The following PITPNC1 variants were observed in gnomAD, a reference collection of about 807,000 sequenced individuals.
PITPNC1 encodes phosphatidylinositol transfer protein cytoplasmic 1.
A neutral mutation model predicts 44.7 loss-of-function variants in PITPNC1; 18 were observed. The ratio of observed to expected loss-of-function variants is 0.40; its 90% CI spans 0.28 to 0.60. The LOEUF (loss-of-function observed/expected upper bound fraction) is 0.60. Ranked by LOEUF, PITPNC1 falls within the 20% of genes least tolerant of loss-of-function variation. The pLI, the probability that PITPNC1 is intolerant of heterozygous loss-of-function variation, is 0.39. For missense variants in PITPNC1, 290 were observed against 418.4 expected (o/e 0.69, Z 2.68); for synonymous variants, 141 against 149.6 (o/e 0.94, Z 0.42).
intron 1 of PITPNC1, among the ~76,000 whole-genome samples, chr17:67,506,750 A>G (rs2040108111): frequency 6.6e-6 from 1 of 152,176 alleles, no homozygotes; most frequent in Non-Finnish European, 1.5e-5. Flanking sequence ...ATTTTATGCA[A>G]CCATTGATAA....
chr17:67,690,974 G>A (rs950128523), intron 8 of PITPNC1, among the ~76,000 whole-genome samples: 5 of 151,978 alleles, frequency 3.3e-5, no homozygotes, highest in Middle Eastern at 3.2e-3. Context: ...ATGGTGGCAC[G>A]TGCCTGTAGT....
chr17:67,645,976 T>C (rs749457937), intron 6 of PITPNC1, among the ~76,000 whole-genome samples: 3 of 152,114 alleles, frequency 2.0e-5, no homozygotes, highest in Non-Finnish European at 4.4e-5. Context: ...AATACAAAAA[T>C]TAGACAGGCG....
At chr17:67,668,303 G>C (rs1436918277) in intron 6 of PITPNC1, among the ~76,000 whole-genome samples, 1 of 152,182 alleles carries the variant, frequency 6.6e-6, no homozygotes, top group South Asian at 2.1e-4. Flanking sequence ...GTTTTTGCAT[G>C]TATCAGCCAT....
chr17:67,427,963 C>T (rs1033826658), intron 1 of PITPNC1, among the ~76,000 whole-genome samples: 2 of 152,004 alleles, frequency 1.3e-5, no homozygotes, highest in African/African-American at 2.4e-5. Flanking sequence ...TTGTCCTTGA[C>T]GATCAGTCTT....
chr17:67,570,163 C>T (rs1313007435), intron 4 of PITPNC1, among the ~76,000 whole-genome samples: 3 of 152,166 alleles, frequency 2.0e-5, no homozygotes, highest in Non-Finnish European at 2.9e-5. Flanking sequence ...AACCAGCGGA[C>T]GTGCACCCTT....
intron 1 of PITPNC1, among the ~76,000 whole-genome samples, chr17:67,490,112 CTGTGTGTGTGTGTGTGTGTGTGTGTG>C (rs71354073): frequency 2.8e-5 from 4 of 144,974 alleles, no homozygotes; most frequent in Middle Eastern, 3.5e-3. Context: ...ACAGGCTTTT[CTGTGTGTGTGTGTGTGTGTGTGTGTG>C]TGTGTGTGTG....
intron 4 of PITPNC1, among the ~76,000 whole-genome samples, chr17:67,563,748 G>C (rs553226306): frequency 1.3e-5 from 2 of 152,184 alleles, no homozygotes; most frequent in Non-Finnish European, 2.9e-5. Context: ...ATGTATGTGG[G>C]ACAGGAACCA....
At chr17:67,399,681 T>C (rs1046528656) in intron 1 of PITPNC1, among the ~76,000 whole-genome samples, 2 of 152,246 alleles carry the variant, frequency 1.3e-5, no homozygotes, top group African/African-American at 4.8e-5. Flanking sequence ...CAATATCAAA[T>C]GGCAAATTCC....
intron 1 of PITPNC1, among the ~76,000 whole-genome samples, chr17:67,387,079 G>C (rs1040424410): frequency 2.0e-5 from 3 of 152,182 alleles, no homozygotes; most frequent in African/African-American, 7.2e-5. Flanking sequence ...TTTACTTTTT[G>C]TACTATGCAA....
At chr17:67,617,428 C>T (rs2041774103) in intron 5 of PITPNC1, among the ~76,000 whole-genome samples, 1 of 152,166 alleles carries the variant, frequency 6.6e-6, no homozygotes, top group African/African-American at 2.4e-5. Flanking sequence ...TCACTTGAAC[C>T]CAGCTGCAGA....
intron 1 of PITPNC1, among the ~76,000 whole-genome samples, chr17:67,446,956 G>A (rs1459988093): frequency 6.6e-6 from 1 of 151,646 alleles, no homozygotes; most frequent in African/African-American, 2.4e-5. Flanking sequence ...CAAGTATGGT[G>A]GCGGGCACCT....
intron 2 of PITPNC1, among the ~76,000 whole-genome samples, chr17:67,543,442 T>C (rs1195412755): frequency 6.6e-6 from 1 of 152,192 alleles, no homozygotes; most frequent in Non-Finnish European, 1.5e-5. Flanking sequence ...AGGAATGCAA[T>C]AGGGCTCCAA....
At chr17:67,401,719 C>G (rs2038314924) in intron 1 of PITPNC1, among the ~76,000 whole-genome samples, 1 of 151,924 alleles carries the variant, frequency 6.6e-6, no homozygotes. Context: ...TGGTGGGCGC[C>G]TGTAATCCCA....
intron 1 of PITPNC1, among the ~76,000 whole-genome samples, chr17:67,438,823 C>G (rs1005443290): frequency 6.6e-6 from 1 of 152,212 alleles, no homozygotes; most frequent in Non-Finnish European, 1.5e-5. Flanking sequence ...GGCTACTATT[C>G]TGAGTTGAAA....
chr17:67,411,379 G>C (rs182884226), intron 1 of PITPNC1, among the ~76,000 whole-genome samples: 1 of 152,264 alleles, frequency 6.6e-6, no homozygotes, highest in East Asian at 1.9e-4. Flanking sequence ...GGAAAGCGCA[G>C]CACATAGGTC....
intron 4 of PITPNC1, among the ~76,000 whole-genome samples, chr17:67,569,419 T>C (rs1383047261): frequency 1.3e-5 from 2 of 152,238 alleles, no homozygotes; most frequent in African/African-American, 4.8e-5. Context: ...CACTTGTCTT[T>C]CCTGGCGTTC....
chr17:67,383,040 G>A (rs1188503605), intron 1 of PITPNC1, among the ~76,000 whole-genome samples: 3 of 151,880 alleles, frequency 2.0e-5, no homozygotes, highest in Non-Finnish European at 4.4e-5. Context: ...CTTTCACCCA[G>A]GCTGGAGTGC....
At chr17:67,393,290 T>C (rs1444430406) in intron 1 of PITPNC1, among the ~76,000 whole-genome samples, 4 of 152,140 alleles carry the variant, frequency 2.6e-5, no homozygotes, top group African/African-American at 9.7e-5. Flanking sequence ...TCTTGCAGAA[T>C]TGAAACTCTG....
chr17:67,392,205 T>C (rs1418617375), intron 1 of PITPNC1, among the ~76,000 whole-genome samples: 1 of 152,176 alleles, frequency 6.6e-6, no homozygotes. Context: ...AAACTTAAAA[T>C]TCTTCCGGTG....
Sources: allele counts gnomAD v4.1 joint callset (sites outside exome capture counted in the v4.1 genomes callset), GRCh38; gene constraint gnomAD v4.1.1; transcripts MANE v1.5; gene names NCBI Gene and HGNC (gene_info 2026-07-23, HGNC 2026-07-21).